PCMTD2: variants seen among roughly 807,000 people sequenced by gnomAD.
PCMTD2 encodes the protein protein-L-isoaspartate (D-aspartate) O-methyltransferase domain containing 2, also known as protein-L-isoaspartate O-methyltransferase domain-containing protein 2.
A neutral mutation model predicts 33.4 loss-of-function variants in PCMTD2; 16 were observed. The ratio of observed to expected loss-of-function variants is 0.48; its 90% CI spans 0.32 to 0.73. The LOEUF is 0.73. Ranked by LOEUF, PCMTD2 falls within the 30% of genes least tolerant of loss-of-function variation. The pLI, the probability that PCMTD2 is intolerant of heterozygous loss-of-function variation, is 0.03. For missense variants in PCMTD2, 374 were observed against 449.9 expected (o/e 0.83, Z 1.53); for synonymous variants, 161 against 160.8 (o/e 1.00, Z -0.01).
intron 4 of PCMTD2, among the ~76,000 whole-genome samples, chr20:64,266,097 C>G (rs944780120): frequency 6.6e-6 from 1 of 152,126 alleles, no homozygotes. Flanking sequence ...GAGATGAGAT[C>G]TTGCTCTGTC....
Position 64,259,725 on chromosome 20 carries a change from T to G in PCMTD2, c.-24-217T>G. 3 of 540,290 alleles carry G rather than the reference T, an allele frequency of 5.6e-6. No individual in the cohort carries two copies. The South Asian group carries it at 7.9e-5, about 14-fold the overall frequency. 33.5% of individuals were successfully genotyped at this position (540,290 alleles called of 1,614,324 possible). ...TTTCAAATAAACGTCAAATAACTTT[T>G]AGTATTGTTGTTTACCTTAATTTCC... On this transcript the variant is annotated intron_variant, in intron 1 of 5. Coordinates refer to ENST00000308824, the MANE Select transcript of PCMTD2 (RefSeq NM_018257.3).
At chr20:64,258,453 A>G (rs1985261527) in intron 1 of PCMTD2, among the ~76,000 whole-genome samples, 1 of 152,192 alleles carries the variant, frequency 6.6e-6, no homozygotes, top group African/African-American at 2.4e-5. Context: ...TTCAGCTCTA[A>G]AATCTTGAGT....
Position 64,260,085 on chromosome 20 carries a change from C to CTA in PCMTD2, c.122_123dup (p.Tyr42IlefsTer32). 6.2e-7 allele frequency: 1 copy of CTA among 1,612,760 alleles called. No homozygotes were observed. Among genetic ancestry groups the CTA allele is most frequent in the Non-Finnish European group, 8.5e-7 (1 of 1,178,766 alleles). ...CTTTCAGAGCTATCGATCGTGCAGA[C>CTA]TATTATCTTGAAGAATTTAAAGAAA... On this transcript the variant is annotated frameshift_variant, in exon 2 of 6. Coordinates refer to ENST00000308824, the MANE Select transcript of PCMTD2 (RefSeq NM_018257.3). LOFTEE classifies it high-confidence loss of function.
At chr20:64,263,686 C>T (rs549222400) in intron 2 of PCMTD2, among the ~76,000 whole-genome samples, 1 of 152,312 alleles carries the variant, frequency 6.6e-6, no homozygotes, top group South Asian at 2.1e-4. Context: ...GTTGAATCAG[C>T]ACCCCAAAAG....
chr20:64,261,481 C>T (rs981506088), intron 2 of PCMTD2, among the ~76,000 whole-genome samples: 2 of 152,008 alleles, frequency 1.3e-5, no homozygotes, highest in African/African-American at 2.4e-5. Flanking sequence ...AAGCCGAGGT[C>T]GGAGGATCGC....
At position 64,265,345 on chromosome 20, in the gene PCMTD2, G is replaced by C; in HGVS notation, c.498G>C (p.Gly166=). Residue 166 remains glycine, a synonymous_variant, in exon 4 of 6, where the codon GGG becomes GGC. Transcript: ENST00000308824. ...DCSQYDRVYC[G]AGVQKEHEEY... is the part of the protein sequence containing the mutation. ...CTCAGTATGATCGTGTATACTGTGG[G>C]GCTGGCGTGCAGAAAGAGCATGAAG... is the stretch of plus-strand genomic sequence containing the variant. The C allele has an allele frequency of 6.2e-7, 1 of 1,613,372 alleles. No homozygotes were observed. Among genetic ancestry groups the C allele is most frequent in the Non-Finnish European group, 8.5e-7 (1 of 1,179,700 alleles).
In PCMTD2 at chr20:64,259,956, A is replaced by G. The variant is rs754278481; in HGVS notation, c.-10A>G. ...TTTAATTATAGTATTGCCTAAGTGT[A>G]ATCTTGAACATGGGCGGTGCTGTGA... On this transcript the variant is annotated 5_prime_UTR_variant, in exon 2 of 6. Transcript: ENST00000308824. 5 of 1,587,530 alleles carry G rather than the reference A, an allele frequency of 3.1e-6. No individual in the cohort carries two copies. The East Asian group carries it at 6.7e-5, about 21-fold the overall frequency.
rs1985610602 is a variant in PCMTD2, at chr20:64,265,284, T to C, written c.437T>C (p.Val146Ala). 1 of 1,603,880 alleles carries C rather than the reference T, an allele frequency of 6.2e-7. No individual in the cohort carries two copies. The highest frequency in any genetic ancestry group is 8.5e-7 in the Non-Finnish European group (1 of 1,177,310). Residue 146 changes from valine to alanine, a missense_variant, in exon 4 of 6, where the codon GTT becomes GCT. By Grantham distance (64) the Val-to-Ala change is moderately conservative. Coordinates refer to ENST00000308824, the MANE Select transcript of PCMTD2 (RefSeq NM_018257.3). ...TTTGACTTCTGTGAACCTTCCTTTGTTACTGGGAATTGCCTGGAGATTTCT... is the reference window on the plus strand; with the variant it reads ...TTTGACTTCTGTGAACCTTCCTTTGCTACTGGGAATTGCCTGGAGATTTCT... ...DKFDFCEPSF[V>A]TGNCLEISPD...
chr20:64,273,887 C>A lies in PCMTD2; in HGVS notation c.*287C>A. ...AAAGAGAAGGCTGTTTCTTTTTCGG[C>A]TCTGACGAAACACTGAAGTCTGCGT... is the stretch of plus-strand genomic sequence containing the variant. On this transcript the variant is annotated 3_prime_UTR_variant, in exon 6 of 6. Transcript: ENST00000308824. 2 of 292,452 alleles carry A rather than the reference C, an allele frequency of 6.8e-6. No individual in the cohort carries two copies. The highest frequency in any genetic ancestry group is 2.2e-4 in the South Asian group (2 of 9,102). The allele number at this position is 292,452 out of a possible 1,614,324, so 18.1% of individuals were successfully genotyped here.
At position 64,265,258 on chromosome 20, in the gene PCMTD2, G is replaced by T; in HGVS notation, c.411G>T (p.Lys137Asn). The T allele has an allele frequency of 6.3e-7, 1 of 1,593,770 alleles. No homozygotes were observed. The highest frequency in any genetic ancestry group is 8.5e-7 in the Non-Finnish European group (1 of 1,170,782). ...FFIRTSDSFD[K>N]FDFCEPSFVT... ...TGCAGGAAGCATTTTTTACTTCCAG[G>T]TTTGACTTCTGTGAACCTTCCTTTG... Residue 137 changes from lysine (K) to asparagine (N), a missense_variant and splice_region_variant, in exon 4 of 6, where the codon AAG becomes AAT. By Grantham distance (94) the Lys-to-Asn change is moderately conservative (BLOSUM62 0). Coordinates refer to ENST00000308824, the MANE Select transcript of PCMTD2 (RefSeq NM_018257.3).
intron 2 of PCMTD2, among the ~76,000 whole-genome samples, chr20:64,261,190 G>A (rs543832993): frequency 1.3e-5 from 2 of 152,140 alleles, no homozygotes; most frequent in Non-Finnish European, 2.9e-5. Flanking sequence ...ATGCTGTGAG[G>A]GGCGGGGAAG....
chr20:64,257,930 C>T lies in PCMTD2; in HGVS notation c.-24-2012C>T, dbSNP rs144627001. 2.5e-3 allele frequency among the ~76,000 whole-genome samples: 383 copies of T among 152,340 alleles called. 3 individuals carry two copies. The highest frequency in any genetic ancestry group is 8.8e-3 in the African/African-American group (365 of 41,578). On this transcript the variant is annotated intron_variant, in intron 1 of 5. Transcript: ENST00000308824. Reference sequence around the variant, plus strand: ...TTGTGAAGTGTAAATGAGGCCATGACTGGCAGGTGGTACCTGGAAAAAGGT... The same window carrying T: ...TTGTGAAGTGTAAATGAGGCCATGATTGGCAGGTGGTACCTGGAAAAAGGT...
In PCMTD2 at chr20:64,274,929, A is replaced by G. The variant is rs1206680783; in HGVS notation, c.*1329A>G. The G allele has an allele frequency of 6.6e-6, 1 of 152,234 alleles. No individual in the cohort carries two copies. Among genetic ancestry groups the G allele is most frequent in the East Asian group, 1.9e-4 (1 of 5,208 alleles). 9.4% of individuals were successfully genotyped at this position (152,234 alleles called of 1,614,324 possible). A position where few individuals can be genotyped will look rare whatever the true frequency, so the allele number is the denominator to read the frequency against. On this transcript the variant is annotated 3_prime_UTR_variant, in exon 6 of 6. Transcript: ENST00000308824. ...AAAAGAATAATAGAAATTACTAACA[A>G]TAAATATAAATTCAGAGTGTTGATA... is the stretch of plus-strand genomic sequence containing the variant.
At chr20:64,257,652 C>T (rs1415518040) in intron 1 of PCMTD2, among the ~76,000 whole-genome samples, 2 of 152,124 alleles carry the variant, frequency 1.3e-5, no homozygotes, top group Non-Finnish European at 1.5e-5. Context: ...ATATCAGACC[C>T]CACAGCTATT....
In PCMTD2 at chr20:64,271,763, G is replaced by C. The variant is rs902619307; in HGVS notation, c.707-1458G>C. On this transcript the variant is annotated intron_variant, in intron 5 of 5. Transcript: ENST00000308824. Reference sequence around the variant, plus strand: ...TGCGGAGGTCAGAGGGAGCGGCTGTGCCTTGGGCCAGGGGAGCAGTGAGCC... The same window carrying C: ...TGCGGAGGTCAGAGGGAGCGGCTGTCCCTTGGGCCAGGGGAGCAGTGAGCC... 2.4e-5 allele frequency: 4 copies of C among 167,808 alleles called. No homozygotes were observed. In the South Asian group the frequency reaches 6.1e-4, roughly 26 times the overall value. 10.4% of individuals were successfully genotyped at this position (167,808 alleles called of 1,614,324 possible).
At position 64,273,731 on chromosome 20, in the gene PCMTD2, C is replaced by A; in HGVS notation, c.*131C>A. 3.1e-6 allele frequency: 2 copies of A among 650,978 alleles called. No homozygotes were observed. Among genetic ancestry groups the A allele is most frequent in the South Asian group, 5.8e-5 (2 of 34,284 alleles). The allele number at this position is 650,978 out of a possible 1,614,324, so 40.3% of individuals were successfully genotyped here. On this transcript the variant is annotated 3_prime_UTR_variant, in exon 6 of 6. Transcript: ENST00000308824. ...AGGGAACTGCTGGGCTCATCCACAC[C>A]ATGGTTTTCTTCTAGTTCCTGATTG...
At chr20:64,272,129 G>A (rs1333801367) in intron 5 of PCMTD2, 2 of 392,906 alleles carry the variant, frequency 5.1e-6, no homozygotes, top group South Asian at 1.8e-5. Flanking sequence ...AAGGGAGAAG[G>A]TGCTACTTAC....
At chr20:64,270,572 GA>G (rs1329956630) in intron 5 of PCMTD2, among the ~76,000 whole-genome samples, 1 of 152,146 alleles carries the variant, frequency 6.6e-6, no homozygotes. Flanking sequence ...TGTGAGTGAA[GA>G]TATGTGTGGT....
intron 1 of PCMTD2, chr20:64,256,784 T>G (rs1985187972): frequency 6.6e-6 from 1 of 152,238 alleles, no homozygotes; most frequent in Admixed American, 6.5e-5. Context: ...AAGAGCTCCT[T>G]TCATTCATTG....
Sources: gnomAD v4.1 joint callset for allele counts (sites outside exome capture counted in the v4.1 genomes callset) on GRCh38, gnomAD v4.1.1 for gene constraint, MANE v1.5 for transcripts, NCBI Gene and HGNC (gene_info 2026-07-23, HGNC 2026-07-21) for gene names.